The following THOP1 variants were observed in gnomAD, a reference collection of about 807,000 sequenced individuals.
THOP1 encodes thimet oligopeptidase.
Under a neutral mutation model 71.8 loss-of-function variants are expected in THOP1, and 49 were observed. That is an observed-to-expected ratio of 0.68 (90% confidence interval 0.54 to 0.87). The LOEUF is 0.87. Ranked by LOEUF, THOP1 falls within the 40% of genes least tolerant of loss-of-function variation. The pLI is 0.00. For missense variants in THOP1, 843 were observed against 975.6 expected (o/e 0.86, Z 1.81); for synonymous variants, 426 against 421.5 (o/e 1.01, Z -0.13).
At chr19:2,811,507 G>T in intron 11 of THOP1, 91 bp from the exon 12 acceptor site, 2 of 1,501,922 alleles carry the variant, frequency 1.3e-6, no homozygotes, top group East Asian at 2.4e-5. Context: ...GTTCCGGGCA[G>T]GGGTCTCAGG....
chr19:2,810,724 A>G lies in THOP1; in HGVS notation c.1727A>G (p.Tyr576Cys). ...TQTDADPAEE[Y>C]ARLCQEILGV... The stretch of plus-strand genomic sequence containing the variant: ...ACGGACGCAGACCCCGCCGAGGAGT[A>G]TGCGCGGCTCTGCCAGGAGATCCTC... The change falls in exon 11 of 13, where the codon TAT (tyrosine) becomes TGT (cysteine). Residue 576 changes from tyrosine (Y) to cysteine (C), a missense_variant. Coordinates refer to ENST00000307741, the MANE Select transcript of THOP1 (RefSeq NM_003249.5). The G allele has an allele frequency of 6.3e-7, 1 of 1,596,946 alleles. No individual in the cohort carries two copies. Among genetic ancestry groups the G allele is most frequent in the Non-Finnish European group, 8.5e-7 (1 of 1,172,390 alleles).
In THOP1 at chr19:2,813,811, C is replaced by G. The variant is rs544080855; in HGVS notation, c.*535C>G. 1.3e-3 allele frequency: 196 copies of G among 153,476 alleles called. 1 individual carries two copies. The highest frequency in any genetic ancestry group is 0.012 in the Admixed American group (185 of 15,516). 9.5% of individuals were successfully genotyped at this position (153,476 alleles called of 1,614,324 possible). A position where few individuals can be genotyped will look rare whatever the true frequency, so the allele number is the denominator to read the frequency against. ...GGGGGGTCTGAGAGACTTCGGCTTC[C>G]TGCATGCTTCTCACCTGTTGTCATT... On this transcript the variant is annotated 3_prime_UTR_variant, in exon 13 of 13. Transcript: ENST00000307741.
intron 4 of THOP1, among the ~76,000 whole-genome samples, chr19:2,798,607 G>GA (rs1175965501): frequency 6.6e-6 from 1 of 152,248 alleles, no homozygotes; most frequent in African/African-American, 2.4e-5. Flanking sequence ...GCAAGAGGGG[G>GA]AGACATTGGG....
Position 2,796,173 on chromosome 19 carries a change from C to T in THOP1, c.471C>T (p.Pro157=). 6.2e-7 allele frequency: 1 copy of T among 1,612,968 alleles called. No homozygotes were observed. Among genetic ancestry groups the T allele is most frequent in the Non-Finnish European group, 8.5e-7 (1 of 1,179,556 alleles). Residue 157 remains proline, a synonymous_variant, in exon 4 of 13, where the codon CCC becomes CCT. Coordinates refer to ENST00000307741, the MANE Select transcript of THOP1 (RefSeq NM_003249.5). ...GCCGGAGAAATGGGCTTCACCTCCC[C>T]AGAGAGACTCAGGAAGTGAGTGCTG... ...KLGRRNGLHL[P]RETQENIKRI...
intron 2 of THOP1, among the ~76,000 whole-genome samples, chr19:2,791,180 G>A (rs78196857): frequency 1.3e-3 from 201 of 152,290 alleles, no homozygotes; most frequent in African/African-American, 4.6e-3. Flanking sequence ...TCTCCTTGGG[G>A]TCCCTGTGCT....
rs780323753 is a variant in THOP1, at chr19:2,807,519, G to A, written c.964G>A (p.Glu322Lys). Residue 322 changes from glutamate to lysine, a missense_variant, in exon 8 of 13, where the codon GAG becomes AAG. Coordinates refer to ENST00000307741, the MANE Select transcript of THOP1 (RefSeq NM_003249.5). ...VILELKRAECERRGLPFDGRI... is the reference protein window; with the variant it reads ...VILELKRAECKRRGLPFDGRI... Reference sequence around the variant, plus strand: ...TCTGGAGCTGAAGCGTGCGGAGTGCGAGCGCCGGGGCCTGCCCTTCGACGG... The same window carrying A: ...TCTGGAGCTGAAGCGTGCGGAGTGCAAGCGCCGGGGCCTGCCCTTCGACGG... 209 of 1,611,974 alleles carry A rather than the reference G, an allele frequency of 1.3e-4. No individual in the cohort carries two copies. The highest frequency in any genetic ancestry group is 1.6e-4 in the Non-Finnish European group (190 of 1,179,788).
chr19:2,785,532 C>T lies in THOP1; in HGVS notation c.-131C>T, dbSNP rs777053130. 9.9e-5 allele frequency: 107 copies of T among 1,077,834 alleles called. No individual in the cohort carries two copies. The South Asian group carries it at 1.6e-3, about 16-fold the overall frequency. 66.8% of individuals were successfully genotyped at this position (1,077,834 alleles called of 1,614,324 possible). On this transcript the variant is annotated 5_prime_UTR_variant, in exon 1 of 13. Transcript: ENST00000307741. Reference sequence around the variant, plus strand: ...TGCCCCGGGAGCGCGGGCGGCGGGCCCCTTGGTCCTCAGGCGGCCGTGGCG... The same window carrying T: ...TGCCCCGGGAGCGCGGGCGGCGGGCTCCTTGGTCCTCAGGCGGCCGTGGCG...
chr19:2,806,719 G>C lies in THOP1; in HGVS notation c.751-198G>C, dbSNP rs1451938333. 1.0e-5 allele frequency: 9 copies of C among 868,316 alleles called. No individual in the cohort carries two copies. The East Asian group carries it at 1.9e-4, about 19-fold the overall frequency. The allele number at this position is 868,316 out of a possible 1,614,324, so 53.8% of individuals were successfully genotyped here. A position where few individuals can be genotyped will look rare whatever the true frequency, so the allele number is the denominator to read the frequency against. On this transcript the variant is annotated intron_variant, in intron 6 of 12. Coordinates refer to ENST00000307741, the MANE Select transcript of THOP1 (RefSeq NM_003249.5). ...CTTAGAGTCATCTGCACCCCTTCTG[G>C]TTCCAAAAAGGCCTTGGGATTATGA...
At chr19:2,789,568 G>A (rs1328522239) in intron 1 of THOP1, among the ~76,000 whole-genome samples, 1 of 152,172 alleles carries the variant, frequency 6.6e-6, no homozygotes, top group African/African-American at 2.4e-5. Flanking sequence ...CACTGGGTGT[G>A]GGGTGTGGAA....
intron 2 of THOP1, among the ~76,000 whole-genome samples, chr19:2,792,194 G>T (rs914452100): frequency 6.6e-6 from 1 of 152,162 alleles, no homozygotes; most frequent in Non-Finnish European, 1.5e-5. Context: ...CAGCCCTAGC[G>T]TCAGGCCTGG....
chr19:2,811,365 A>G (rs900566492), intron 11 of THOP1, among the ~76,000 whole-genome samples: 4 of 152,204 alleles, frequency 2.6e-5, no homozygotes, highest in Non-Finnish European at 4.4e-5. Flanking sequence ...GGCAGCTGAC[A>G]GCCCCGTTAA....
At chr19:2,799,041 A>G (rs1916082586) in intron 4 of THOP1, among the ~76,000 whole-genome samples, 1 of 152,192 alleles carries the variant, frequency 6.6e-6, no homozygotes, top group Non-Finnish European at 1.5e-5. Context: ...AATGTTCAAA[A>G]GCTGCCAGAC....
chr19:2,807,599 C>T lies in THOP1; in HGVS notation c.1044C>T (p.Arg348=). ...ACATGAACCAGGTGGAGGAGACGCG[C>T]TACTGCGTGGACCAGAACCTGCTCA... ...RYYMNQVEET[R]YCVDQNLLKE... The change falls in exon 8 of 13, where the codon CGC becomes CGT. Residue 348 remains arginine, a synonymous_variant. Transcript: ENST00000307741. 1 of 1,612,666 alleles carries T rather than the reference C, an allele frequency of 6.2e-7. No homozygotes were observed. The highest frequency in any genetic ancestry group is 8.5e-7 in the Non-Finnish European group (1 of 1,179,850).
chr19:2,811,751 G>A lies in THOP1; in HGVS notation c.1908+17G>A. 1 of 1,570,788 alleles carries A rather than the reference G, an allele frequency of 6.4e-7. No individual in the cohort carries two copies. On this transcript the variant is annotated intron_variant, in intron 12 of 12. Coordinates refer to ENST00000307741, the MANE Select transcript of THOP1 (RefSeq NM_003249.5). The stretch of plus-strand genomic sequence containing the variant: ...AACAGCAAGGTACGCGGGGACTGGG[G>A]ACAGGGAGGGCGTCCTGAACGGCAA...
In THOP1 at chr19:2,805,451, G is replaced by A. The variant is rs540044876; in HGVS notation, c.750+275G>A. ...CTGCTGCTGCTCTGAGCATCTGGCC[G>A]CGCACACGTCTCGTCCCTCCCTTAT... On this transcript the variant is annotated intron_variant, in intron 6 of 12. Coordinates refer to ENST00000307741, the MANE Select transcript of THOP1 (RefSeq NM_003249.5). The surrounding 1 kb of genome is among the most constrained non-coding windows in gnomAD (Gnocchi z 6.6). Among the ~76,000 whole-genome samples the A allele has an allele frequency of 6.6e-6, 1 of 152,294 alleles. No individual in the cohort carries two copies. Among genetic ancestry groups the A allele is most frequent in the East Asian group, 1.9e-4 (1 of 5,180 alleles).
In THOP1 at chr19:2,805,640, G is replaced by A. The variant is rs552858903; in HGVS notation, c.750+464G>A. ...AGGGACACATGTAACTGTCCACGGC[G>A]CCATGGTGTGGTCGGTCAGGTGGTC... On this transcript the variant is annotated intron_variant, in intron 6 of 12. Coordinates refer to ENST00000307741, the MANE Select transcript of THOP1 (RefSeq NM_003249.5). This position sits in a 1 kb window ranked among gnomAD's most constrained non-coding sequence, Gnocchi z 6.6. 2.0e-5 allele frequency among the ~76,000 whole-genome samples: 3 copies of A among 152,252 alleles called. No homozygotes were observed. The highest frequency in any genetic ancestry group is 2.1e-4 in the South Asian group (1 of 4,832).
At chr19:2,790,817 C>T (rs1206114793) in intron 2 of THOP1, among the ~76,000 whole-genome samples, 184 bp downstream of exon 2, 2 of 152,246 alleles carry the variant, frequency 1.3e-5, no homozygotes, top group Non-Finnish European at 2.9e-5. Flanking sequence ...AATCAGATGG[C>T]TGGGCGGAAG....
rs914843377 is a variant in THOP1 at position 2,810,559 on chromosome 19, G to A, written c.1642+69G>A. The A allele has an allele frequency of 2.0e-5, 30 of 1,525,100 alleles. No individual in the cohort carries two copies. The African/African-American group carries it at 3.3e-4, about 17-fold the overall frequency. The allele number at this position is 1,525,100 out of a possible 1,614,324, so 94.5% of individuals were successfully genotyped here. On this transcript the variant is annotated intron_variant, in intron 10 of 12. Coordinates refer to ENST00000307741, the MANE Select transcript of THOP1 (RefSeq NM_003249.5). ...GGCACACAGCTGGGGCCTGGCATGT[G>A]CCCCGGGTGGGGGTCGGAGCTCTGG... is the stretch of plus-strand genomic sequence containing the variant.
chr19:2,807,367 G>T, intron 7 of THOP1, 75 bp from the exon 8 acceptor site: 2 of 1,482,660 alleles, frequency 1.3e-6, no homozygotes, highest in South Asian at 2.7e-5. Context: ...ACGAAGTCGC[G>T]GCCGCGGGCG....
Sources: gnomAD v4.1 joint callset for allele counts (sites outside exome capture counted in the v4.1 genomes callset) on GRCh38, gnomAD v4.1.1 for gene constraint, Gnocchi (gnomAD v3.1) non-coding constraint, MANE v1.5 for transcripts, NCBI Gene and HGNC (gene_info 2026-07-23, HGNC 2026-07-21) for gene names.